The following NEBL variants were observed in gnomAD, a reference collection of about 807,000 sequenced individuals.
NEBL encodes the protein LIM and SH3 protein 2.
In NEBL, 122 loss-of-function variants were observed where a neutral mutation model predicts 140.2. That is an observed-to-expected ratio of 0.87 (90% CI 0.75 to 1.01). The LOEUF is 1.01. Among genes scored for constraint, NEBL ranks in the 50% least tolerant of loss-of-function variants. NEBL has a pLI of 0.00. For synonymous variants in NEBL, 436 were observed against 398.9 expected, an observed-to-expected ratio of 1.09 and a Z score of -1.11; for missense variants, 1,365 against 1,231.3, an observed-to-expected ratio of 1.11 and a Z score of -1.62.
intron 26 of NEBL, among the ~76,000 whole-genome samples, chr10:20,802,746 T>TA (rs1250708583): frequency 6.6e-6 from 1 of 152,196 alleles, no homozygotes; most frequent in African/African-American, 2.4e-5. Context: ...AATCAGAACT[T>TA]ACTCGAAAGA....
Position 21,265,595 on chromosome 10 carries a change from G to T in NEBL, n.183-13767C>A, listed in dbSNP as rs1360223430. Reference sequence around the variant, plus strand: ...TAGTTTATAATAGAAGAGAGGAGAAGTGAAACAGGAAAGGGAAGAAAGCCA... The same window carrying T: ...TAGTTTATAATAGAAGAGAGGAGAATTGAAACAGGAAAGGGAAGAAAGCCA... On this transcript the variant is annotated intron_variant and non_coding_transcript_variant, in intron 1 of 8. Coordinates refer to the NEBL transcript ENST00000675702. Among the ~76,000 whole-genome samples the T allele has an allele frequency of 2.6e-5, 4 of 152,196 alleles. No individual in the cohort carries two copies. In the East Asian group the frequency reaches 7.7e-4, roughly 29 times the overall value.
At chr10:21,001,991 T>C (rs1372704326) in intron 3 of NEBL, among the ~76,000 whole-genome samples, 2 of 152,214 alleles carry the variant, frequency 1.3e-5, no homozygotes, top group Non-Finnish European at 2.9e-5. Flanking sequence ...CAACCCTTTT[T>C]CTCTGCAGGT....
intron 1 of NEBL, among the ~76,000 whole-genome samples, chr10:21,291,638 G>T (rs1843145176): frequency 6.6e-6 from 1 of 152,058 alleles, no homozygotes; most frequent in Non-Finnish European, 1.5e-5. Context: ...AACCAGACCA[G>T]GCGCAGTGGC....
chr10:20,875,129 C>T lies in NEBL; in HGVS notation c.481-5288G>A, dbSNP rs554676333. Among the ~76,000 whole-genome samples the T allele has an allele frequency of 3.3e-5, 5 of 152,270 alleles. No homozygotes were observed. In the South Asian group the frequency reaches 6.2e-4, roughly 19 times the overall value. Reference sequence around the variant, plus strand: ...AATCTGTCTCTGAATTTCTTTATCTCGCCATATTCACTTTCACCCTGAGCT... The same window carrying T: ...AATCTGTCTCTGAATTTCTTTATCTTGCCATATTCACTTTCACCCTGAGCT... On this transcript the variant is annotated intron_variant, in intron 5 of 27. Coordinates refer to ENST00000377122, the MANE Select transcript of NEBL (RefSeq NM_006393.3).
chr10:21,241,281 TAA>T (rs1554834607), intron 3 of NEBL, among the ~76,000 whole-genome samples: 3 of 148,814 alleles, frequency 2.0e-5, no homozygotes, highest in African/African-American at 7.5e-5. Context: ...AATAAATAAA[TAA>T]ATAAAAATAA....
intron 26 of NEBL, among the ~76,000 whole-genome samples, chr10:20,805,369 T>C (rs962943547): frequency 5.3e-5 from 8 of 152,236 alleles, no homozygotes; most frequent in Non-Finnish European, 1.5e-5. Context: ...TAAAATCTTT[T>C]CAAATTCATA....
intron 3 of NEBL, among the ~76,000 whole-genome samples, chr10:21,224,653 C>T (rs1168514500): frequency 1.3e-5 from 2 of 152,114 alleles, no homozygotes; most frequent in Non-Finnish European, 1.5e-5. Context: ...TATCTTTCCA[C>T]TGTTTTGTGT....
intron 2 of NEBL, among the ~76,000 whole-genome samples, chr10:21,096,488 A>AGAGT (rs1837190237): frequency 7.1e-6 from 1 of 141,482 alleles, no homozygotes; most frequent in Non-Finnish European, 1.6e-5. Context: ...CTTGGTTTTG[A>AGAGT]GTGTGTGTGT....
chr10:20,833,308 T>A (rs939039461), intron 14 of NEBL, among the ~76,000 whole-genome samples: 1 of 152,186 alleles, frequency 6.6e-6, no homozygotes, highest in African/African-American at 2.4e-5. Flanking sequence ...ATGGGAAGGC[T>A]TGACTCTTGA....
At chr10:21,162,790 T>G (rs1589299432) in intron 2 of NEBL, among the ~76,000 whole-genome samples, 1 of 152,208 alleles carries the variant, frequency 6.6e-6, no homozygotes, top group East Asian at 1.9e-4. Flanking sequence ...CAGTAATTGA[T>G]TGAGAGATTC....
chr10:20,840,808 T>C lies in NEBL; in HGVS notation c.1269A>G (p.Lys423=), dbSNP rs138932199. ...KKDLENEIKG[K]GMELNSEVLD... ...GAACTTCTGAATTAAGTTCCATTCCTTTCCCTTTTATCTCATTTTCCAAAT... is the reference window on the plus strand; with the variant it reads ...GAACTTCTGAATTAAGTTCCATTCCCTTCCCTTTTATCTCATTTTCCAAAT... Residue 423 remains lysine, a synonymous_variant, in exon 13 of 28, where the codon AAA becomes AAG. Coordinates refer to ENST00000377122, the MANE Select transcript of NEBL (RefSeq NM_006393.3). 51 of 1,610,362 alleles carry C rather than the reference T, an allele frequency of 3.2e-5. No homozygotes were observed. The highest frequency in any genetic ancestry group is 4.2e-5 in the Non-Finnish European group (50 of 1,177,496).
intron 3 of NEBL, among the ~76,000 whole-genome samples, chr10:21,210,665 T>G (rs1465351203): frequency 6.6e-6 from 1 of 152,216 alleles, no homozygotes; most frequent in African/African-American, 2.4e-5. Context: ...GTAAATAGAT[T>G]AAAATTTTTG....
At chr10:21,004,276 C>T (rs1838026640) in intron 3 of NEBL, among the ~76,000 whole-genome samples, 1 of 151,736 alleles carries the variant, frequency 6.6e-6, no homozygotes, top group Non-Finnish European at 1.5e-5. Flanking sequence ...TGAATAAATG[C>T]ATCATTAATA....
At chr10:21,157,728 T>C (rs1159465356) in intron 2 of NEBL, among the ~76,000 whole-genome samples, 2 of 152,210 alleles carry the variant, frequency 1.3e-5, no homozygotes, top group African/African-American at 4.8e-5. Flanking sequence ...TGTATATGTA[T>C]TGGAGTCCAA....
rs1176763018 is a variant in NEBL at position 21,169,067 on chromosome 10, AATAT to A, written c.164+3312_164+3315del. Among the ~76,000 whole-genome samples the A allele has an allele frequency of 7.8e-3, 179 of 23,042 alleles. 1 individual carries two copies. The highest frequency in any genetic ancestry group is 0.013 in the Admixed American group (17 of 1,318). The allele number at this position is 23,042 out of a possible 152,430, so 15.1% of individuals were successfully genotyped here. ...CCGTCTACAAAAAAAAAAAAAAAAA[AATAT>A]ATATATATATATATATATATATATA... On this transcript the variant is annotated intron_variant, in intron 2 of 6. Coordinates refer to the NEBL transcript ENST00000417816.
chr10:21,265,552 C>CA lies in NEBL; in HGVS notation n.183-13725dup, dbSNP rs1301338703. 2.0e-5 allele frequency among the ~76,000 whole-genome samples: 3 copies of CA among 152,028 alleles called. No homozygotes were observed. The East Asian group carries it at 5.8e-4, about 29-fold the overall frequency. ...ATTCCCTCAGAAGCAGGTTTTGATG[C>CA]AATAATTCAAGGGCACATAGTTTAT... On this transcript the variant is annotated intron_variant and non_coding_transcript_variant, in intron 1 of 8. Coordinates refer to the NEBL transcript ENST00000675702.
At chr10:21,062,117 G>T (rs1835331563) in intron 2 of NEBL, among the ~76,000 whole-genome samples, 1 of 152,212 alleles carries the variant, frequency 6.6e-6, no homozygotes, top group Admixed American at 6.5e-5. Context: ...CATATCTTGT[G>T]AAGTTTAATT....
At chr10:21,181,955 G>A (rs1841395294) in intron 3 of NEBL, among the ~76,000 whole-genome samples, 1 of 152,182 alleles carries the variant, frequency 6.6e-6, no homozygotes. Context: ...AAGCAGTTCT[G>A]GAGGAAGTGA....
chr10:21,222,334 T>C (rs1224636566), intron 3 of NEBL, among the ~76,000 whole-genome samples: 1 of 152,086 alleles, frequency 6.6e-6, no homozygotes, highest in Non-Finnish European at 1.5e-5. Context: ...AGTTTAATTC[T>C]CACCATTTTT....
Sources: allele counts gnomAD v4.1 joint callset (sites outside exome capture counted in the v4.1 genomes callset), GRCh38; gene constraint gnomAD v4.1.1; transcripts MANE v1.5; gene names NCBI Gene and HGNC (gene_info 2026-07-23, HGNC 2026-07-21).